The following KCNMA1 variants were observed in gnomAD, a reference collection of about 807,000 sequenced individuals.
The protein encoded by KCNMA1 is Calcium-activated potassium channel subunit alpha-1.
KCNMA1 carries 29 observed loss-of-function variants against 140.0 expected under a neutral mutation model. The observed-to-expected ratio is 0.21, with a 90% CI of 0.15 to 0.28. The LOEUF (loss-of-function observed/expected upper bound fraction) is 0.28, where lower values mean the gene tolerates loss of function less well. Ranked by LOEUF, KCNMA1 falls within the 10% of genes least tolerant of loss-of-function variation. The probability of loss-of-function intolerance (pLI) is 1.00; values close to 1 mark genes in which losing one functional copy is unlikely to be tolerated. For synonymous variants in KCNMA1, 612 were observed against 611.9 expected (o/e 1.00, Z 0.00); for missense variants, 880 against 1,602.2 (o/e 0.55, Z 7.70).
At chr10:76,906,529 A>G (rs187881923) in intron 25 of KCNMA1, among the ~76,000 whole-genome samples, 6 of 152,338 alleles carry the variant, frequency 3.9e-5, no homozygotes, top group Admixed American at 3.9e-4. Flanking sequence ...GAGTTGGGTT[A>G]TGAAGGACAA....
chr10:76,877,816 T>C, exon 30 of KCNMA1: 1 of 1,600,738 alleles, frequency 6.2e-7, no homozygotes, highest in Non-Finnish European at 8.5e-7. Context: ...TGGTTAGCCA[T>C]GTGGGTACTC....
At chr10:77,260,633 C>T (rs2061757725) in intron 2 of KCNMA1, among the ~76,000 whole-genome samples, 1 of 152,110 alleles carries the variant, frequency 6.6e-6, no homozygotes, top group Non-Finnish European at 1.5e-5. Context: ...TGCTTGAACC[C>T]CAGTGGTGGA....
At chr10:77,464,006 A>G (rs1196052755) in intron 1 of KCNMA1, among the ~76,000 whole-genome samples, 1 of 152,070 alleles carries the variant, frequency 6.6e-6, no homozygotes, top group Non-Finnish European at 1.5e-5. Context: ...GAAAAACAGA[A>G]TCTCAGACCC....
chr10:77,266,180 C>T (rs1203072996), intron 2 of KCNMA1, among the ~76,000 whole-genome samples: 2 of 151,478 alleles, frequency 1.3e-5, no homozygotes, highest in Non-Finnish European at 2.9e-5. Flanking sequence ...CTTTGGGTTC[C>T]AAAGAAAGCA....
chr10:76,954,347 G>C (rs1435227790), intron 20 of KCNMA1, among the ~76,000 whole-genome samples: 3 of 152,102 alleles, frequency 2.0e-5, no homozygotes, highest in African/African-American at 7.2e-5. Flanking sequence ...CGGCAATGAA[G>C]AGGAAGGAAT....
chr10:77,258,160 A>G (rs1294058202), intron 2 of KCNMA1, among the ~76,000 whole-genome samples: 1 of 152,214 alleles, frequency 6.6e-6, no homozygotes. Context: ...CTTGGTAGGA[A>G]CTAAAAACTT....
At chr10:77,032,283 T>C (rs2093989148) in intron 15 of KCNMA1, among the ~76,000 whole-genome samples, 2 of 152,208 alleles carry the variant, frequency 1.3e-5, no homozygotes, top group African/African-American at 4.8e-5. Context: ...CAACACCATT[T>C]TTTGGTAAAG....
intron 1 of KCNMA1, among the ~76,000 whole-genome samples, chr10:77,425,156 A>G (rs1023926743): frequency 2.7e-5 from 4 of 146,726 alleles, no homozygotes; most frequent in South Asian, 4.3e-4. Context: ...TGGATGGATG[A>G]GGATATAAGT....
intron 6 of KCNMA1, among the ~76,000 whole-genome samples, chr10:77,119,095 C>A (rs959423351): frequency 3.3e-5 from 5 of 152,230 alleles, no homozygotes; most frequent in African/African-American, 1.2e-4. Context: ...TCTCCCTCGT[C>A]CCCTGGCTGG....
chr10:77,112,224 C>T (rs963107669), intron 7 of KCNMA1, 143 bp downstream of exon 7: 34 of 693,530 alleles, frequency 4.9e-5, no homozygotes, highest in African/African-American at 2.1e-4. Context: ...GAAACCCAGA[C>T]AATTGTGTGG....
chr10:76,988,135 A>G (rs1171888748), intron 19 of KCNMA1, among the ~76,000 whole-genome samples: 1 of 152,226 alleles, frequency 6.6e-6, no homozygotes, highest in African/African-American at 2.4e-5. Context: ...GGTAAAACTC[A>G]GAATTTCAAA....
chr10:77,611,623 G>A (rs1555503458), intron 1 of KCNMA1, among the ~76,000 whole-genome samples: 1 of 145,250 alleles, frequency 6.9e-6, no homozygotes, highest in Non-Finnish European at 1.5e-5. Context: ...TCCATTAAGT[G>A]TGACTTATTA....
intron 2 of KCNMA1, among the ~76,000 whole-genome samples, chr10:77,285,379 G>T (rs1289111676): frequency 1.5e-4 from 23 of 151,860 alleles, no homozygotes. Flanking sequence ...AAAAGCTTTG[G>T]CAATCCAAAC....
chr10:77,504,847 A>G (rs940715470), intron 1 of KCNMA1, among the ~76,000 whole-genome samples: 1 of 152,218 alleles, frequency 6.6e-6, no homozygotes, highest in Non-Finnish European at 1.5e-5. Context: ...GTGATTGAAT[A>G]CAAAATAATA....
intron 3 of KCNMA1, among the ~76,000 whole-genome samples, chr10:77,223,773 AT>A (rs1278093686): frequency 2.0e-5 from 3 of 152,014 alleles, no homozygotes; most frequent in Admixed American, 6.5e-5. Flanking sequence ...GTGTGCTTGG[AT>A]CTGGTAGAGG....
intron 2 of KCNMA1, among the ~76,000 whole-genome samples, chr10:77,266,311 AG>A: frequency 6.6e-6 from 1 of 152,218 alleles, no homozygotes; most frequent in Non-Finnish European, 1.5e-5. Context: ...AAAGGAACCC[AG>A]GGTCATGACT....
At chr10:76,949,483 G>T in intron 21 of KCNMA1, 117 bp from the exon 22 acceptor site, 1 of 842,374 alleles carries the variant, frequency 1.2e-6, no homozygotes, top group Non-Finnish European at 2.0e-6. Context: ...AGCTTACTAT[G>T]TGCTATTATT....
At chr10:77,545,672 G>T (rs932970808) in intron 1 of KCNMA1, among the ~76,000 whole-genome samples, 1 of 152,204 alleles carries the variant, frequency 6.6e-6, no homozygotes, top group South Asian at 2.1e-4. Flanking sequence ...GCAGGGTCAT[G>T]TTCCAGGAGC....
At chr10:77,516,519 C>T (rs1004584765) in intron 1 of KCNMA1, among the ~76,000 whole-genome samples, 25 of 152,210 alleles carry the variant, frequency 1.6e-4, no homozygotes, top group Non-Finnish European at 2.1e-4. Flanking sequence ...CAGAGGACAG[C>T]GCCTGACCCA....
Sources: allele counts gnomAD v4.1 joint callset (sites outside exome capture counted in the v4.1 genomes callset), GRCh38; gene constraint gnomAD v4.1.1; transcripts MANE v1.5; gene names NCBI Gene and HGNC (gene_info 2026-07-23, HGNC 2026-07-21).